Variants in ADGRL3 observed in about 807,000 individuals in gnomAD.
ADGRL3 encodes the protein calcium-independent alpha-latrotoxin receptor 3.
A neutral mutation model predicts 153.5 loss-of-function variants in ADGRL3; 62 were observed. The ratio of observed to expected loss-of-function variants is 0.40; its 90% CI spans 0.33 to 0.50. ADGRL3 has a LOEUF of 0.50. Ranked by LOEUF, ADGRL3 falls within the 20% of genes least tolerant of loss-of-function variation. ADGRL3 has a pLI of 0.47. For missense variants in ADGRL3, 1,641 were observed against 1,859.4 expected, an observed-to-expected ratio of 0.88 and a Z score of 2.16; for synonymous variants, 710 against 672.5, an observed-to-expected ratio of 1.06 and a Z score of -0.86.
chr4:61,301,379 T>C (rs572048137), intron 1 of ADGRL3, among the ~76,000 whole-genome samples: 1 of 152,312 alleles, frequency 6.6e-6, no homozygotes, highest in Non-Finnish European at 1.5e-5. Context: ...CAAAACAAGT[T>C]TTACGAAGAG....
intron 2 of ADGRL3, among the ~76,000 whole-genome samples, chr4:61,432,967 C>A (rs2152426446): frequency 6.6e-6 from 1 of 151,908 alleles, no homozygotes; most frequent in South Asian, 2.1e-4. Context: ...TTATAGATTT[C>A]TATTTTAACA....
At chr4:61,570,444 A>G (rs2098833916) in intron 4 of ADGRL3, among the ~76,000 whole-genome samples, 1 of 152,054 alleles carries the variant, frequency 6.6e-6, no homozygotes, top group Non-Finnish European at 1.5e-5. Flanking sequence ...TCCTTCTACC[A>G]TTGCCTCTTT....
At chr4:61,814,268 T>C (rs558016480) in intron 9 of ADGRL3, among the ~76,000 whole-genome samples, 354 of 151,984 alleles carry the variant, frequency 2.3e-3, no homozygotes, top group Non-Finnish European at 4.1e-3. Context: ...CTAAATCATA[T>C]TGACAGATTT....
chr4:61,872,648 C>T (rs1445643919), intron 9 of ADGRL3, among the ~76,000 whole-genome samples: 1 of 143,392 alleles, frequency 7.0e-6, no homozygotes, highest in Admixed American at 6.9e-5. Flanking sequence ...TCAATGTTAA[C>T]CTTGTTTAAA....
At chr4:61,271,203 T>C (rs572690364) in intron 1 of ADGRL3, among the ~76,000 whole-genome samples, 113 of 151,954 alleles carry the variant, frequency 7.4e-4, no homozygotes, top group Non-Finnish European at 1.4e-3. Flanking sequence ...TTATATGTCT[T>C]GTAAATCTTT....
chr4:61,390,223 A>AT (rs754920023), intron 2 of ADGRL3, among the ~76,000 whole-genome samples: 110 of 152,090 alleles, frequency 7.2e-4, no homozygotes, highest in Non-Finnish European at 1.2e-3. Context: ...TTAACTCTCT[A>AT]TTTTTTCTTA....
chr4:61,549,632 T>C (rs553983076), intron 4 of ADGRL3, among the ~76,000 whole-genome samples: 68 of 152,086 alleles, frequency 4.5e-4, no homozygotes, highest in African/African-American at 1.6e-3. Context: ...TTTTTCTTAA[T>C]TTTATTATCT....
intron 1 of ADGRL3, among the ~76,000 whole-genome samples, chr4:61,324,353 T>G (rs542488183): frequency 3.3e-4 from 50 of 152,120 alleles, no homozygotes; most frequent in African/African-American, 1.2e-3. Flanking sequence ...GAAGTGGAAA[T>G]AAATAATGCA....
In ADGRL3 at chr4:61,260,581, A is replaced by G. The variant is rs2092429244; in HGVS notation, c.-240+58816A>G. Among the ~76,000 whole-genome samples, 2 of 152,194 alleles carry G rather than the reference A, an allele frequency of 1.3e-5. 1 individual carries two copies. The highest frequency in any genetic ancestry group is 4.1e-4 in the South Asian group (2 of 4,820). On this transcript the variant is annotated intron_variant, in intron 1 of 26. Transcript: ENST00000683033. ...TCTTTTAGGGTGGTTCTAAGAGTTA[A>G]GTAAGATAATAAATGAAAAGTGCCT...
At chr4:61,717,914 G>T (rs547571908) in intron 6 of ADGRL3, among the ~76,000 whole-genome samples, 1 of 152,162 alleles carries the variant, frequency 6.6e-6, no homozygotes, top group South Asian at 2.1e-4. Context: ...CATGCCTGTA[G>T]TCCTAGCTAC....
chr4:61,799,351 A>G (rs2097459880), intron 8 of ADGRL3, among the ~76,000 whole-genome samples: 1 of 152,220 alleles, frequency 6.6e-6, no homozygotes, highest in Admixed American at 6.5e-5. Context: ...TTTGCAGGCT[A>G]CATGTGATCC....
intron 25 of ADGRL3, among the ~76,000 whole-genome samples, chr4:62,051,119 G>A (rs1410855176): frequency 2.1e-5 from 3 of 145,196 alleles, no homozygotes; most frequent in Non-Finnish European, 4.5e-5. Context: ...AAGAATATGT[G>A]TATATATATG....
chr4:61,876,558 C>G (rs1367453769), intron 9 of ADGRL3, among the ~76,000 whole-genome samples: 1 of 151,704 alleles, frequency 6.6e-6, no homozygotes, highest in Admixed American at 6.6e-5. Context: ...TTTTTATTTT[C>G]TGCTTACAAT....
chr4:61,807,306 CA>C (rs2097562480), intron 8 of ADGRL3, among the ~76,000 whole-genome samples: 1 of 145,620 alleles, frequency 6.9e-6, no homozygotes, highest in Non-Finnish European at 1.5e-5. Flanking sequence ...TCAATCTTTG[CA>C]AAAAATAATT....
intron 4 of ADGRL3, among the ~76,000 whole-genome samples, chr4:61,558,749 G>A (rs140457914): frequency 3.0e-4 from 45 of 151,860 alleles, no homozygotes; most frequent in African/African-American, 1.0e-3. Context: ...GAACATCATC[G>A]TTATTCAAGT....
At chr4:61,373,386 CAA>C (rs2096564202) in intron 1 of ADGRL3, among the ~76,000 whole-genome samples, 1 of 152,068 alleles carries the variant, frequency 6.6e-6, no homozygotes, top group African/African-American at 2.4e-5. Flanking sequence ...AGAGACATAA[CAA>C]TTTTTCATTT....
chr4:62,015,952 C>T (rs1182495612), intron 21 of ADGRL3, among the ~76,000 whole-genome samples: 1 of 151,942 alleles, frequency 6.6e-6, no homozygotes, highest in Admixed American at 6.6e-5. Flanking sequence ...AAGGTATACG[C>T]TTTCAAAGTC....
chr4:61,902,132 G>C (rs995314842), intron 11 of ADGRL3, among the ~76,000 whole-genome samples: 1 of 152,132 alleles, frequency 6.6e-6, no homozygotes, highest in Non-Finnish European at 1.5e-5. Flanking sequence ...TATTCACTTT[G>C]GGTGCCACTG....
rs148475044 is a variant in ADGRL3, at chr4:61,806,053, T to C, written c.1400-7756T>C. Among the ~76,000 whole-genome samples, 28 of 152,350 alleles carry C rather than the reference T, an allele frequency of 1.8e-4. 2 individuals carry two copies. The East Asian group carries it at 5.4e-3, about 29-fold the overall frequency. Reference sequence around the variant, plus strand: ...TTTTAACATTTGCCTTACTTTCTTTTATGTCATTGATGTGTGTTTTCACCA... The same window carrying C: ...TTTTAACATTTGCCTTACTTTCTTTCATGTCATTGATGTGTGTTTTCACCA... On this transcript the variant is annotated intron_variant, in intron 8 of 26. Transcript: ENST00000683033.
Sources: gnomAD v4.1 joint callset for allele counts (sites outside exome capture counted in the v4.1 genomes callset) on GRCh38, gnomAD v4.1.1 for gene constraint, MANE v1.5 for transcripts, NCBI Gene and HGNC (gene_info 2026-07-23, HGNC 2026-07-21) for gene names.